Variants in DSTYK observed in about 807,000 individuals in gnomAD.
DSTYK encodes dual serine/threonine and tyrosine protein kinase, also known as RIP-homologous kinase.
In DSTYK, 34 loss-of-function variants were observed where a neutral mutation model predicts 98.7. The ratio of observed to expected loss-of-function variants is 0.34; its 90% CI spans 0.26 to 0.46. The LOEUF (loss-of-function observed/expected upper bound fraction) is 0.46. DSTYK is among the 20% of genes least tolerant of loss of function. The pLI is 1.00. For synonymous variants in DSTYK, 462 were observed against 457.3 expected (o/e 1.01, Z -0.13); for missense variants, 962 against 1,181.7 (o/e 0.81, Z 2.73).
rs563110715 is a variant in DSTYK, at chr1:205,159,099, T to A, written c.2238+448A>T. Among the ~76,000 whole-genome samples, 167 of 152,072 alleles carry A rather than the reference T, an allele frequency of 1.1e-3. 1 individual carries two copies. The highest frequency in any genetic ancestry group is 3.8e-3 in the African/African-American group (157 of 41,420). The stretch of plus-strand genomic sequence containing the variant: ...TAAATCTTTAAAAATTTTTTTTTTT[T>A]ATTTTTAGAGATAGGGTCTTGCTCT... On this transcript the variant is annotated intron_variant, in intron 9 of 12. Transcript: ENST00000367162.
chr1:205,160,841 G>A (rs1003645948), intron 7 of DSTYK, among the ~76,000 whole-genome samples: 12 of 151,648 alleles, frequency 7.9e-5, no homozygotes, highest in African/African-American at 2.7e-4. Context: ...GCAGTGCAGT[G>A]GTATGATCTT....
At chr1:205,198,005 C>G (rs575025822) in intron 1 of DSTYK, among the ~76,000 whole-genome samples, 1 of 152,068 alleles carries the variant, frequency 6.6e-6, no homozygotes, top group East Asian at 1.9e-4. Context: ...ACCAGCCTGA[C>G]CATCATGGAG....
At chr1:205,207,475 G>A (rs888012669) in intron 1 of DSTYK, among the ~76,000 whole-genome samples, 1 of 151,048 alleles carries the variant, frequency 6.6e-6, no homozygotes, top group Admixed American at 6.6e-5. Context: ...CCCATGCCGG[G>A]CACAGTGGCT....
chr1:205,193,737 A>G (rs1156593753), intron 1 of DSTYK, among the ~76,000 whole-genome samples: 1 of 151,972 alleles, frequency 6.6e-6, no homozygotes, highest in East Asian at 1.9e-4. Flanking sequence ...CAGGCGTGGT[A>G]GCATGTGCCT....
chr1:205,205,589 G>A (rs2102484293), intron 1 of DSTYK, among the ~76,000 whole-genome samples: 1 of 152,086 alleles, frequency 6.6e-6, no homozygotes, highest in East Asian at 1.9e-4. Context: ...GGGATTATAG[G>A]CCCGCACCGC....
intron 1 of DSTYK, among the ~76,000 whole-genome samples, chr1:205,209,334 T>A (rs969396416): frequency 6.6e-6 from 1 of 152,122 alleles, no homozygotes; most frequent in Non-Finnish European, 1.5e-5. Context: ...CTGTTATGGG[T>A]GCGGGTGAAA....
At chr1:205,184,744 T>C (rs906664270) in intron 2 of DSTYK, among the ~76,000 whole-genome samples, 3 of 152,168 alleles carry the variant, frequency 2.0e-5, no homozygotes, top group Non-Finnish European at 4.4e-5. Flanking sequence ...CCCCAGCCTT[T>C]CAAGTGGCTC....
intron 2 of DSTYK, among the ~76,000 whole-genome samples, chr1:205,178,017 T>C (rs1310692179): frequency 6.6e-6 from 1 of 152,184 alleles, no homozygotes; most frequent in East Asian, 1.9e-4. Context: ...ACCAGAGTTT[T>C]ATCCCAGTAG....
rs546593834 is a variant in DSTYK, at chr1:205,181,320, G to A, written c.654+6098C>T. On this transcript the variant is annotated intron_variant, in intron 2 of 12. Transcript: ENST00000367162. ...CTAGATATACTCAAGAGACAATATG[G>A]TATCTAACTAAAGGTAAGTAATATA... 7.2e-5 allele frequency among the ~76,000 whole-genome samples: 11 copies of A among 152,096 alleles called. No homozygotes were observed. The East Asian group carries it at 7.7e-4, about 11-fold the overall frequency.
intron 10 of DSTYK, 127 bp downstream of exon 10, chr1:205,157,146 G>A (rs549644908): frequency 1.8e-5 from 13 of 702,978 alleles, no homozygotes; most frequent in Admixed American, 1.0e-4. Context: ...TACTAGCAGC[G>A]TGAGAATGGA....
In DSTYK at chr1:205,142,603, T is replaced by G. The variant is rs1457260077; in HGVS notation, c.*4955A>C. 2.0e-5 allele frequency: 3 copies of G among 152,240 alleles called. No individual in the cohort carries two copies. The highest frequency in any genetic ancestry group is 4.4e-5 in the Non-Finnish European group (3 of 68,044). 9.4% of individuals were successfully genotyped at this position (152,240 alleles called of 1,614,324 possible). On this transcript the variant is annotated 3_prime_UTR_variant, in exon 13 of 13. Transcript: ENST00000367162. ...TAAAACCAAACCCAACCCTTCAATA[T>G]TACACTAATGAAGATTAACCCAGAG...
In DSTYK at chr1:205,148,191, C is replaced by G. The variant is rs376773999; in HGVS notation, c.2602+14G>C. 8.2e-5 allele frequency: 133 copies of G among 1,613,862 alleles called. No homozygotes were observed. The highest frequency in any genetic ancestry group is 1.1e-4 in the Non-Finnish European group (125 of 1,179,938). On this transcript the variant is annotated intron_variant, in intron 12 of 12. Transcript: ENST00000367162. ...CCAGGGGAGTTAGGACAAGGTAGTA[C>G]TTGTGGCTCTTACCCCTCCGCACAT...
Position 205,211,302 on chromosome 1 carries a change from T to C in DSTYK, c.234A>G (p.Ala78=), listed in dbSNP as rs1659368516. 6.2e-7 allele frequency: 1 copy of C among 1,609,206 alleles called. No individual in the cohort carries two copies. Among genetic ancestry groups the C allele is most frequent in the South Asian group, 1.1e-5 (1 of 90,376 alleles). The change falls in exon 1 of 13, where the codon GCA becomes GCG. Residue 78 remains alanine (A), a synonymous_variant. Transcript: ENST00000367162. ...GCAGCCCGGTTTCGGCGACATCGCC[T>C]GCAGGGCCGCGCTCGGCCCCGCCGC... The part of the protein sequence containing the change: ...TGGGGAERGP[A]GDVAETGLQA...
At position 205,147,499 on chromosome 1, in the gene DSTYK, T is replaced by G; in HGVS notation, c.*59A>C. On this transcript the variant is annotated 3_prime_UTR_variant, in exon 13 of 13. Transcript: ENST00000367162. ...GTGAATAAATGTCAAATTCTCCCCA[T>G]GGCCAAAAGGTGAGGGGGAAGGAAA... 6.4e-7 allele frequency: 1 copy of G among 1,554,288 alleles called. No homozygotes were observed. The highest frequency in any genetic ancestry group is 1.2e-5 in the South Asian group (1 of 85,408).
chr1:205,209,990 G>T (rs527362233), intron 1 of DSTYK, among the ~76,000 whole-genome samples: 1 of 151,884 alleles, frequency 6.6e-6, no homozygotes, highest in South Asian at 2.1e-4. Flanking sequence ...AACCTCCGCC[G>T]CCTGGTTTCA....
intron 3 of DSTYK, among the ~76,000 whole-genome samples, chr1:205,167,272 T>C (rs1465040619): frequency 1.3e-5 from 2 of 152,004 alleles, no homozygotes; most frequent in East Asian, 3.9e-4. Flanking sequence ...TGGTGGCATG[T>C]GCCTGTAGTC....
At chr1:205,181,656 T>TGTGTGTGTGTGTGTGTGTGTGTGTGTG in intron 2 of DSTYK, among the ~76,000 whole-genome samples, 1 of 142,544 alleles carries the variant, frequency 7.0e-6, no homozygotes, top group East Asian at 2.1e-4. Context: ...ATGTTGGGGT[T>TGTGTGTGTGTGTGTGTGTGTGTGTGTG]TGTGTGTGTG....
In DSTYK at chr1:205,187,610, G is replaced by A. The variant is rs1351174214; in HGVS notation, c.462C>T (p.Arg154=). The change falls in exon 2 of 13, where the codon CGC becomes CGT. Residue 154 remains arginine (R), a synonymous_variant. Coordinates refer to ENST00000367162, the MANE Select transcript of DSTYK (RefSeq NM_015375.3). ...SEESCKLRRL[R]FTYGTQTRVS... Reference sequence around the variant, plus strand: ...CCCGAGTCTGAGTCCCATAGGTGAAGCGGAGGCGCCGAAGCTTACAGCTCT... The same window carrying A: ...CCCGAGTCTGAGTCCCATAGGTGAAACGGAGGCGCCGAAGCTTACAGCTCT... The A allele has an allele frequency of 6.2e-7, 1 of 1,614,074 alleles. No individual in the cohort carries two copies. The highest frequency in any genetic ancestry group is 2.2e-5 in the East Asian group (1 of 44,884).
intron 1 of DSTYK, among the ~76,000 whole-genome samples, chr1:205,190,943 A>C (rs2102457004): frequency 6.6e-6 from 1 of 152,352 alleles, no homozygotes; most frequent in Non-Finnish European, 1.5e-5. Flanking sequence ...TTTCAGGACG[A>C]GAGGGAGAGA....
Sources: gnomAD v4.1 joint callset for allele counts (sites outside exome capture counted in the v4.1 genomes callset) on GRCh38, gnomAD v4.1.1 for gene constraint, MANE v1.5 for transcripts, NCBI Gene and HGNC (gene_info 2026-07-23, HGNC 2026-07-21) for gene names.